Variants in PRICKLE3 observed in about 807,000 individuals in gnomAD.
The protein encoded by PRICKLE3 is LIM domain only protein 6.
In PRICKLE3, 17 loss-of-function variants were observed where a neutral mutation model predicts 33.8. The ratio of observed to expected loss-of-function variants is 0.50; its 90% CI spans 0.34 to 0.75. The LOEUF (loss-of-function observed/expected upper bound fraction) is 0.75, where lower values mean the gene tolerates loss of function less well. Among genes scored for constraint, PRICKLE3 ranks in the 30% least tolerant of loss-of-function variants. PRICKLE3 has a pLI of 0.01. For synonymous variants in PRICKLE3, 211 were observed against 219.6 expected (o/e 0.96, Z 0.34); for missense variants, 573 against 576.7 (o/e 0.99, Z 0.07).
chrX:49,186,220 C>A (rs963782365), intron 1 of PRICKLE3, 36 bp downstream of exon 1: 7 of 1,152,771 alleles, frequency 6.1e-6, no homozygotes, highest in Non-Finnish European at 8.1e-6. Context: ...CCTCAGTTTA[C>A]CCCCGACCCC....
chrX:49,184,576 C>G, intron 2 of PRICKLE3, 49 bp downstream of exon 2: 1 of 1,044,255 alleles, frequency 9.6e-7, no homozygotes, highest in Non-Finnish European at 1.3e-6. Context: ...GATTTCCCCC[C>G]GAAGGCGGAG....
rs1180942908 is a variant in PRICKLE3 at position 49,185,177 on chromosome X, TTC to T, written c.43-469_43-468del. 1.2e-4 allele frequency among the ~76,000 whole-genome samples: 13 copies of T among 111,171 alleles called. No individual in the cohort carries two copies. In the Admixed American group the frequency reaches 1.2e-3, roughly 11 times the overall value. On this transcript the variant is annotated intron_variant, in intron 1 of 8. Coordinates refer to ENST00000599218, the MANE Select transcript of PRICKLE3 (RefSeq NM_006150.5). Reference sequence around the variant, plus strand: ...CCACAGGGTAGGAGACGAGACCGCATTCTTCCTTGAGATCCCCACGTGAACCC... The same window carrying T: ...CCACAGGGTAGGAGACGAGACCGCATTTCCTTGAGATCCCCACGTGAACCC...
rs1421905751 is a variant in PRICKLE3, at chrX:49,175,577, G to A, written c.*96C>T. The A allele has an allele frequency of 1.1e-4, 79 of 722,643 alleles. No individual in the cohort carries two copies. Among genetic ancestry groups the A allele is most frequent in the Non-Finnish European group, 1.4e-4 (73 of 503,903 alleles). The allele number at this position is 722,643 out of a possible 1,213,427, so 59.6% of individuals were successfully genotyped here. On this transcript the variant is annotated 3_prime_UTR_variant, in exon 9 of 9. Transcript: ENST00000599218. ...TAAAGGAGGGAGGAAGAGGATTTAT[G>A]ACTTAGGTTGTAGGGGCGGGGCGTG...
chrX:49,177,011 T>C lies in PRICKLE3; in HGVS notation c.1147A>G (p.Ser383Gly), dbSNP rs1316680032. ...TAPGPSRRSWSAGPVTAPLAA... is the reference protein window; with the variant it reads ...TAPGPSRRSWGAGPVTAPLAA... The stretch of plus-strand genomic sequence containing the variant: ...AGTGGGGCTGTGACAGGGCCGGCAC[T>C]CCAGCTGCGGCGGCTCGGCCCTGGA... Residue 383 changes from serine (S) to glycine (G), a missense_variant, in exon 8 of 9, where the codon AGT (serine) becomes GGT (glycine). Ser to Gly is a moderately conservative substitution (Grantham distance 56, BLOSUM62 0). Transcript: ENST00000599218. 8.3e-7 allele frequency: 1 copy of C among 1,208,666 alleles called. No individual in the cohort carries two copies. The highest frequency in any genetic ancestry group is 3.0e-5 in the East Asian group (1 of 33,719).
Position 49,178,102 on chromosome X carries a change from T to C in PRICKLE3, c.846A>G (p.Glu282=), listed in dbSNP as rs898308224. The C allele has an allele frequency of 8.4e-7, 1 of 1,184,720 alleles. No homozygotes were observed. Among genetic ancestry groups the C allele is most frequent in the Non-Finnish European group, 1.1e-6 (1 of 880,036 alleles). ...HMDHFCCFEC[E]ASLGGQRYVM... ...CATAGCGCTGCCCTCCTAGTGAAGCTTCACACTCAAAGCAGCAGAAGTGAT... is the reference window on the plus strand; with the variant it reads ...CATAGCGCTGCCCTCCTAGTGAAGCCTCACACTCAAAGCAGCAGAAGTGAT... The change falls in exon 7 of 9, where the codon GAA becomes GAG. Residue 282 remains glutamate (E), a synonymous_variant. Transcript: ENST00000599218.
intron 5 of PRICKLE3, 25 bp from the exon 6 acceptor site, chrX:49,178,500 G>A (rs1557100544): frequency 1.7e-6 from 2 of 1,185,812 alleles, no homozygotes; most frequent in East Asian, 6.0e-5. Context: ...GCACCAAGAT[G>A]GTTACCATCA....
chrX:49,177,917 G>C (rs2065428039), intron 7 of PRICKLE3, 76 bp downstream of exon 7: 8 of 1,048,249 alleles, frequency 7.6e-6, no homozygotes, highest in Non-Finnish European at 1.0e-5. Flanking sequence ...TGGAGGACAG[G>C]AGGAGTCCTG....
At chrX:49,180,452 C>T (rs1557100844) in intron 3 of PRICKLE3, among the ~76,000 whole-genome samples, 1 of 111,529 alleles carries the variant, frequency 9.0e-6, no homozygotes, top group African/African-American at 3.3e-5. Context: ...CAGGCTTCCG[C>T]TCCCATCCCT....
chrX:49,179,108 C>T lies in PRICKLE3; in HGVS notation c.564+143G>A, dbSNP rs2065434935. The T allele has an allele frequency of 1.4e-5, 11 of 810,883 alleles. 1 individual carries two copies. The highest frequency in any genetic ancestry group is 1.9e-5 in the Non-Finnish European group (11 of 586,404). 66.8% of individuals were successfully genotyped at this position (810,883 alleles called of 1,213,427 possible). A position where few individuals can be genotyped will look rare whatever the true frequency, so the allele number is the denominator to read the frequency against. On this transcript the variant is annotated intron_variant, in intron 5 of 8. Coordinates refer to ENST00000599218, the MANE Select transcript of PRICKLE3 (RefSeq NM_006150.5). ...AACAGTGAGATGTGAGGAACAGACC[C>T]CGCCCACAAGAGGGGACCCTAGAGA...
chrX:49,176,861 G>A (rs1029476923), intron 8 of PRICKLE3, 42 bp downstream of exon 8: 7 of 1,148,253 alleles, frequency 6.1e-6, no homozygotes, highest in Non-Finnish European at 7.0e-6. Flanking sequence ...GGACATAGGG[G>A]TGACTGGGCT....
intron 3 of PRICKLE3, among the ~76,000 whole-genome samples, chrX:49,180,804 G>A (rs1357729271): frequency 2.7e-5 from 3 of 111,125 alleles, no homozygotes; most frequent in Non-Finnish European, 5.7e-5. Context: ...TCATCTACTT[G>A]GCTGGCTAAT....
At chrX:49,177,391 G>A (rs2065425203) in intron 7 of PRICKLE3, among the ~76,000 whole-genome samples, 189 bp from the exon 8 acceptor site, 1 of 112,923 alleles carries the variant, frequency 8.9e-6, no homozygotes, top group Non-Finnish European at 1.9e-5. Context: ...CTCTCCTGGA[G>A]ACTGGCTGGT....
Position 49,176,890 on chromosome X carries a change from A to C in PRICKLE3, c.1255+13T>G, listed in dbSNP as rs781786633. On this transcript the variant is annotated intron_variant, in intron 8 of 8. Coordinates refer to ENST00000599218, the MANE Select transcript of PRICKLE3 (RefSeq NM_006150.5). ...CTGGGCTGTGGCTGGGTGTGGCTAG[A>C]GGGTTAGCTCACCTGGCGCTAACTC... 1.2e-5 allele frequency: 14 copies of C among 1,178,968 alleles called. No individual in the cohort carries two copies. The highest frequency in any genetic ancestry group is 1.6e-5 in the Non-Finnish European group (14 of 880,161).
chrX:49,180,457 A>C (rs959989090), intron 3 of PRICKLE3, among the ~76,000 whole-genome samples: 3 of 111,062 alleles, frequency 2.7e-5, no homozygotes, highest in Non-Finnish European at 5.7e-5. Flanking sequence ...TTCCGCTCCC[A>C]TCCCTCTTCC....
In PRICKLE3 at chrX:49,177,010, C is replaced by T; in HGVS notation, c.1148G>A (p.Ser383Asn). The T allele has an allele frequency of 8.3e-7, 1 of 1,210,553 alleles. No individual in the cohort carries two copies. The highest frequency in any genetic ancestry group is 1.1e-6 in the Non-Finnish European group (1 of 894,746). Residue 383 changes from serine (S) to asparagine (N), a missense_variant, in exon 8 of 9, where the codon AGT becomes AAT. Physicochemically the swap from Ser to Asn is conservative, Grantham distance 46 (BLOSUM62 1). Transcript: ENST00000599218. ...TAPGPSRRSW[S>N]AGPVTAPLAA... The stretch of plus-strand genomic sequence containing the variant: ...AAGTGGGGCTGTGACAGGGCCGGCA[C>T]TCCAGCTGCGGCGGCTCGGCCCTGG...
In PRICKLE3 at chrX:49,181,521, G is replaced by A. The variant is rs188152784; in HGVS notation, c.313-1715C>T. Among the ~76,000 whole-genome samples the A allele has an allele frequency of 2.0e-4, 14 of 71,696 alleles. No homozygotes were observed. The South Asian group carries it at 2.0e-3, about 10-fold the overall frequency. 62.3% of individuals were successfully genotyped at this position (71,696 alleles called of 115,157 possible). A position where few individuals can be genotyped will look rare whatever the true frequency, so the allele number is the denominator to read the frequency against. ...TGTGTATATATATGTGTATATATAC[G>A]TATATATGTGTATATATATACGTAT... On this transcript the variant is annotated intron_variant, in intron 3 of 8. Transcript: ENST00000599218.
At chrX:49,183,173 G>C (rs1257112010) in intron 3 of PRICKLE3, among the ~76,000 whole-genome samples, 1 of 112,135 alleles carries the variant, frequency 8.9e-6, no homozygotes, top group Non-Finnish European at 1.9e-5. Flanking sequence ...TCAGTGCCTA[G>C]AACAGTGTCT....
At chrX:49,184,984 C>T (rs1477919744) in intron 1 of PRICKLE3, 1 of 897,746 alleles carries the variant, frequency 1.1e-6, no homozygotes, top group Non-Finnish European at 1.5e-6. Flanking sequence ...CCGTCCGCCC[C>T]TAGCCTCAGA....
At chrX:49,183,625 A>T in intron 3 of PRICKLE3, 109 bp downstream of exon 3, 2 of 1,157,982 alleles carry the variant, frequency 1.7e-6, no homozygotes, top group Non-Finnish European at 2.3e-6. Context: ...CTGACTGCAC[A>T]CTCTAGCGTA....
Sources: allele counts gnomAD v4.1 joint callset (sites outside exome capture counted in the v4.1 genomes callset), GRCh38; gene constraint gnomAD v4.1.1; transcripts MANE v1.5; gene names NCBI Gene and HGNC (gene_info 2026-07-23, HGNC 2026-07-21).